The following TOMM7 variants were observed in gnomAD, a reference collection of about 807,000 sequenced individuals.
TOMM7 encodes mitochondrial import receptor subunit TOM7 homolog.
TOMM7 carries 8 observed loss-of-function variants against 9.5 expected under a neutral mutation model. The ratio of observed to expected loss-of-function variants is 0.84; its 90% CI spans 0.49 to 1.51. The LOEUF is 1.51. TOMM7 is among the 40% of genes most tolerant of loss of function. TOMM7 has a pLI of 0.00. For missense variants in TOMM7, 74 were observed against 63.7 expected (o/e 1.16, Z -0.55); for synonymous variants, 27 against 21.4 (o/e 1.26, Z -0.72).
intron 1 of TOMM7, among the ~76,000 whole-genome samples, chr7:22,820,243 A>G (rs1426302534): frequency 6.6e-6 from 1 of 152,246 alleles, no homozygotes; most frequent in Non-Finnish European, 1.5e-5. Flanking sequence ...ATGATAGACA[A>G]GTACTGGAAA....
chr7:22,818,877 G>A (rs774084502), intron 1 of TOMM7, among the ~76,000 whole-genome samples: 2 of 151,808 alleles, frequency 1.3e-5, no homozygotes, highest in African/African-American at 2.4e-5. Flanking sequence ...CTCTCAAAGT[G>A]CTGGGATTAC....
chr7:22,820,837 AGAAAAAC>A (rs1459954325), intron 1 of TOMM7, among the ~76,000 whole-genome samples: 1 of 152,224 alleles, frequency 6.6e-6, no homozygotes, highest in Non-Finnish European at 1.5e-5. Flanking sequence ...AGAATAAGGG[AGAAAAAC>A]GTCTTTTTAA....
At chr7:22,821,272 A>G (rs1583464577) in intron 1 of TOMM7, among the ~76,000 whole-genome samples, 1 of 152,046 alleles carries the variant, frequency 6.6e-6, no homozygotes, top group Non-Finnish European at 1.5e-5. Context: ...TTAGCCCGGC[A>G]TGGTGGCGGG....
chr7:22,814,873 T>C (rs1266292110), intron 2 of TOMM7, among the ~76,000 whole-genome samples: 2 of 152,234 alleles, frequency 1.3e-5, no homozygotes, highest in African/African-American at 2.4e-5. Flanking sequence ...TAAATATATG[T>C]AGAAACAACA....
Position 22,817,872 on chromosome 7 carries a change from T to C in TOMM7, c.152+128A>G, listed in dbSNP as rs1782336560. On this transcript the variant is annotated intron_variant, in intron 2 of 2. Transcript: ENST00000358435. ...AGAGAAAGTAGTTGCAGTTTTCCAA[T>C]AGCCCAAAACTATACTGACTGATAA... 4 of 798,142 alleles carry C rather than the reference T, an allele frequency of 5.0e-6. No homozygotes were observed. The Admixed American group carries it at 8.0e-5, about 16-fold the overall frequency. The allele number at this position is 798,142 out of a possible 1,614,324, so 49.4% of individuals were successfully genotyped here.
At chr7:22,822,624 GT>G in intron 1 of TOMM7, 52 bp downstream of exon 1, 1 of 1,520,604 alleles carries the variant, frequency 6.6e-7, no homozygotes, top group Non-Finnish European at 9.1e-7. Flanking sequence ...TGGGGCTGCT[GT>G]CTCCGCCACC....
chr7:22,822,162 T>TG (rs777151164), intron 1 of TOMM7: 1 of 1,550,440 alleles, frequency 6.4e-7, no homozygotes. Context: ...ACCTGTAAAA[T>TG]GGGGGCAGTA....
At chr7:22,820,637 G>A (rs1006295045) in intron 1 of TOMM7, among the ~76,000 whole-genome samples, 1 of 152,174 alleles carries the variant, frequency 6.6e-6, no homozygotes, top group African/African-American at 2.4e-5. Flanking sequence ...TTAGCTAAAA[G>A]GGGAGCTAGT....
chr7:22,822,186 A>T (rs1021894002), intron 1 of TOMM7: 1 of 1,550,862 alleles, frequency 6.4e-7, no homozygotes. Flanking sequence ...GAAATCATCC[A>T]AACCCTTCAT....
chr7:22,818,572 T>G (rs6949233), intron 1 of TOMM7, among the ~76,000 whole-genome samples: 73,139 of 151,996 alleles, frequency 0.48, 19,432 homozygotes, highest in East Asian at 0.82. Flanking sequence ...TGAACCATCA[T>G]GCCCCGACGA....
chr7:22,815,823 TA>T (rs1002062431), intron 2 of TOMM7, among the ~76,000 whole-genome samples: 45 of 147,760 alleles, frequency 3.0e-4, no homozygotes, highest in Non-Finnish European at 2.9e-4. Context: ...CTATAAAAAT[TA>T]AAAAAAAAAA....
chr7:22,821,864 T>C (rs1782396588), intron 1 of TOMM7, among the ~76,000 whole-genome samples: 5 of 152,054 alleles, frequency 3.3e-5, no homozygotes, highest in Admixed American at 2.6e-4. Context: ...ACCGAGCCTG[T>C]TGGCACCAGC....
chr7:22,819,496 G>C (rs1473335596), intron 1 of TOMM7, among the ~76,000 whole-genome samples: 1 of 152,190 alleles, frequency 6.6e-6, no homozygotes, highest in African/African-American at 2.4e-5. Context: ...TCAGCCTCCT[G>C]AGTAGTTGGG....
intron 1 of TOMM7, among the ~76,000 whole-genome samples, chr7:22,821,529 CTTGAGGCCAGGAGT>C (rs902783651): frequency 5.9e-5 from 9 of 152,180 alleles, no homozygotes; most frequent in African/African-American, 1.9e-4. Context: ...AGGTAGCTAA[CTTGAGGCCAGGAGT>C]TTGAGGCCAG....
chr7:22,818,650 AG>A (rs1364847834), intron 1 of TOMM7, among the ~76,000 whole-genome samples: 1 of 152,248 alleles, frequency 6.6e-6, no homozygotes, highest in Non-Finnish European at 1.5e-5. Context: ...CAATTGGCAC[AG>A]TTGCCCTTAG....
chr7:22,813,787 A>C (rs981018758), intron 2 of TOMM7, among the ~76,000 whole-genome samples: 18 of 150,758 alleles, frequency 1.2e-4, no homozygotes, highest in African/African-American at 3.7e-4. Context: ...CCAAACTCCC[A>C]AATCATTTGC....
At chr7:22,817,283 A>T (rs562383493) in intron 2 of TOMM7, 1 of 153,870 alleles carries the variant, frequency 6.5e-6, no homozygotes, top group Non-Finnish European at 1.5e-5. Flanking sequence ...ACATACCAGC[A>T]AGATCATTTC....
At chr7:22,822,267 C>G (rs1467803263) in intron 1 of TOMM7, 2 of 1,549,950 alleles carry the variant, frequency 1.3e-6, no homozygotes, top group Non-Finnish European at 8.7e-7. Flanking sequence ...GTGGTACTTT[C>G]ACGAGGTGTC....
intron 2 of TOMM7, among the ~76,000 whole-genome samples, chr7:22,815,999 A>G (rs764456547): frequency 2.6e-5 from 4 of 152,216 alleles, no homozygotes; most frequent in Admixed American, 6.5e-5. Context: ...GCACAAGCAT[A>G]GGAACAAAGG....
Sources: gnomAD v4.1 joint callset for allele counts (sites outside exome capture counted in the v4.1 genomes callset) on GRCh38, gnomAD v4.1.1 for gene constraint, MANE v1.5 for transcripts, NCBI Gene and HGNC (gene_info 2026-07-23, HGNC 2026-07-21) for gene names.